TENM3: variants seen among roughly 807,000 people sequenced by gnomAD.
TENM3 encodes teneurin transmembrane protein 3.
In TENM3, 63 loss-of-function variants were observed where a neutral mutation model predicts 255.1. The ratio of observed to expected loss-of-function variants is 0.25; its 90% CI spans 0.20 to 0.30. TENM3 has a LOEUF of 0.30. TENM3 is among the 10% of genes least tolerant of loss of function. The pLI is 1.00. For synonymous variants in TENM3, 1,306 were observed against 1,322.3 expected (o/e 0.99, Z 0.27); for missense variants, 2,929 against 3,461.1 (o/e 0.85, Z 3.86).
At chr4:181,730,961 A>T in the TENM3 span, among the ~76,000 whole-genome samples, 3 of 152,198 alleles carry the variant, frequency 2.0e-5, no homozygotes, top group African/African-American at 4.8e-5. Context: ...ATTTCTGAAG[A>T]TAATGTAAAG....
At chr4:182,398,999 T>C (rs1251590394) in intron 3 of TENM3, among the ~76,000 whole-genome samples, 1 of 152,220 alleles carries the variant, frequency 6.6e-6, no homozygotes, top group Non-Finnish European at 1.5e-5. Context: ...GTTTACACTA[T>C]GCACAGTCCC....
chr4:181,728,349 C>T, the TENM3 span, among the ~76,000 whole-genome samples: 1 of 152,120 alleles, frequency 6.6e-6, no homozygotes, highest in Non-Finnish European at 1.5e-5. Flanking sequence ...AAACAGTAAA[C>T]AATGGCTACT....
intron 13 of TENM3, among the ~76,000 whole-genome samples, chr4:182,717,340 A>G (rs1269658046): frequency 6.6e-6 from 1 of 152,172 alleles, no homozygotes; most frequent in Non-Finnish European, 1.5e-5. Flanking sequence ...GATGGGGGCG[A>G]CTTATCTTCA....
At chr4:182,025,466 G>A in the TENM3 span, among the ~76,000 whole-genome samples, 1 of 152,146 alleles carries the variant, frequency 6.6e-6, no homozygotes, top group Admixed American at 6.6e-5. Flanking sequence ...GAACACTGCT[G>A]TACATAAAAA....
intron 3 of TENM3, among the ~76,000 whole-genome samples, chr4:182,529,774 G>T (rs924321130): frequency 6.6e-6 from 1 of 152,132 alleles, no homozygotes; most frequent in African/African-American, 2.4e-5. Context: ...ATCCCAGTTA[G>T]CCACTGACAC....
At chr4:181,992,486 T>C in the TENM3 span, among the ~76,000 whole-genome samples, 4 of 152,160 alleles carry the variant, frequency 2.6e-5, no homozygotes, top group African/African-American at 9.7e-5. Context: ...TGCCAACTGA[T>C]AGATGCAATG....
the TENM3 span, among the ~76,000 whole-genome samples, chr4:182,128,330 C>G: frequency 6.6e-6 from 1 of 150,698 alleles, no homozygotes; most frequent in Non-Finnish European, 1.5e-5. Flanking sequence ...GTACTTGTTT[C>G]TTTCTTTCTT....
At chr4:182,444,275 G>A (rs1772728059) in intron 3 of TENM3, among the ~76,000 whole-genome samples, 1 of 152,140 alleles carries the variant, frequency 6.6e-6, no homozygotes, top group South Asian at 2.1e-4. Context: ...CTGTTAGAAA[G>A]TTATGTGCTA....
chr4:182,172,330 A>G (rs1226990419), intron 1 of TENM3, among the ~76,000 whole-genome samples: 4 of 152,164 alleles, frequency 2.6e-5, no homozygotes, highest in Non-Finnish European at 5.9e-5. Context: ...AAAGTGAGAT[A>G]AGACACGTCC....
chr4:181,669,598 C>G, the TENM3 span, among the ~76,000 whole-genome samples: 4 of 152,054 alleles, frequency 2.6e-5, no homozygotes, highest in Non-Finnish European at 5.9e-5. Context: ...CCAGTGTTAC[C>G]CCATTCTGAC....
rs1240967761 is a variant in TENM3 at position 182,783,566 on chromosome 4, G to T, written c.5305-5527G>T. Among the ~76,000 whole-genome samples the T allele has an allele frequency of 4.7e-5, 7 of 149,966 alleles. 1 individual carries two copies. The highest frequency in any genetic ancestry group is 1.0e-4 in the Non-Finnish European group (7 of 66,872). ...TGCTCTTCTCGAGGAGTATCTTTGT[G>T]GCGTTCTCTGTATTTCCTGAATCTG... On this transcript the variant is annotated intron_variant, in intron 24 of 27. Transcript: ENST00000511685.
At chr4:181,464,260 A>G in the TENM3 span, among the ~76,000 whole-genome samples, 1 of 152,186 alleles carries the variant, frequency 6.6e-6, no homozygotes, top group Admixed American at 6.5e-5. Flanking sequence ...TTATTTTACA[A>G]TCCACCAGCA....
At chr4:182,290,487 A>T (rs1761043686) in intron 1 of TENM3, among the ~76,000 whole-genome samples, 1 of 152,188 alleles carries the variant, frequency 6.6e-6, no homozygotes, top group Non-Finnish European at 1.5e-5. Context: ...TTACGTCCCT[A>T]AAAAGCCTTT....
At chr4:182,482,973 T>G (rs1393752825) in intron 3 of TENM3, among the ~76,000 whole-genome samples, 17 of 152,202 alleles carry the variant, frequency 1.1e-4, no homozygotes, top group Admixed American at 1.1e-3. Context: ...AAGTTTTCAT[T>G]GAAATTAAGA....
chr4:181,512,564 T>C, the TENM3 span, among the ~76,000 whole-genome samples: 7 of 152,198 alleles, frequency 4.6e-5, no homozygotes, highest in African/African-American at 1.7e-4. Context: ...AGTTCACTTC[T>C]TTTTGGAAAG....
In TENM3 at chr4:182,730,274, T is replaced by C. The variant is rs915725000; in HGVS notation, c.2660T>C (p.Phe887Ser). Residue 887 changes from phenylalanine to serine, a missense_variant, in exon 15 of 28, where the codon TTC (phenylalanine) becomes TCC (serine). Transcript: ENST00000511685. ...CTTATTGGAGTAAATGTCTCGTTTT[T>C]CCATTACCCAGAATATGGATATACT... is the stretch of plus-strand genomic sequence containing the variant. Reference protein sequence around the residue: ...TPLIGVNVSFFHYPEYGYTIT... With the variant: ...TPLIGVNVSFSHYPEYGYTIT... The C allele has an allele frequency of 6.2e-6, 10 of 1,613,912 alleles. No individual in the cohort carries two copies. The highest frequency in any genetic ancestry group is 6.8e-6 in the Non-Finnish European group (8 of 1,179,826).
intron 13 of TENM3, among the ~76,000 whole-genome samples, chr4:182,721,837 G>A (rs1759759745): frequency 6.6e-6 from 1 of 152,038 alleles, no homozygotes; most frequent in South Asian, 2.1e-4. Context: ...TAGTTAGATT[G>A]ATGATCTTTA....
At chr4:182,322,388 G>T (rs1238319673) in intron 1 of TENM3, among the ~76,000 whole-genome samples, 1 of 152,118 alleles carries the variant, frequency 6.6e-6, no homozygotes, top group Non-Finnish European at 1.5e-5. Context: ...AGAGAGGAGG[G>T]TATAATTTGG....
intron 22 of TENM3, among the ~76,000 whole-genome samples, chr4:182,770,858 C>T (rs1013232900): frequency 6.6e-5 from 10 of 152,298 alleles, no homozygotes; most frequent in Admixed American, 2.0e-4. Flanking sequence ...ACCCTGACAC[C>T]GGAGCAGCCT....
Sources: allele counts gnomAD v4.1 joint callset (sites outside exome capture counted in the v4.1 genomes callset), GRCh38; gene constraint gnomAD v4.1.1; transcripts MANE v1.5; gene names NCBI Gene and HGNC (gene_info 2026-07-23, HGNC 2026-07-21).